Variants in SGCZ observed in about 807,000 individuals in gnomAD.
SGCZ encodes sarcoglycan zeta.
Under a neutral mutation model 41.3 loss-of-function variants are expected in SGCZ, and 40 were observed. That is an observed-to-expected ratio of 0.97 (90% CI 0.75 to 1.26). The LOEUF (loss-of-function observed/expected upper bound fraction) is 1.26, where lower values mean the gene tolerates loss of function less well. Ranked by LOEUF, SGCZ falls within the 50% of genes most tolerant of loss-of-function variation. SGCZ has a pLI of 0.00. For missense variants in SGCZ, 552 were observed against 369.8 expected, an observed-to-expected ratio of 1.49 and a Z score of -4.04; for synonymous variants, 206 against 137.5, an observed-to-expected ratio of 1.50 and a Z score of -3.49.
chr8:15,146,357 G>A (rs1180922132), intron 1 of SGCZ, among the ~76,000 whole-genome samples: 1 of 152,100 alleles, frequency 6.6e-6, no homozygotes, highest in East Asian at 1.9e-4. Context: ...ATTTGAGGAA[G>A]CCAATTTTTA....
intron 7 of SGCZ, among the ~76,000 whole-genome samples, chr8:14,097,235 G>T (rs1734482292): frequency 6.6e-6 from 1 of 152,164 alleles, no homozygotes; most frequent in Non-Finnish European, 1.5e-5. Flanking sequence ...GGCATTTAGT[G>T]CTATAAATTT....
At chr8:14,540,313 T>TTTCATATGACTCATGA (rs1803425428) in intron 2 of SGCZ, among the ~76,000 whole-genome samples, 1 of 150,808 alleles carries the variant, frequency 6.6e-6, no homozygotes. Context: ...TGTTGACCTT[T>TTTCATATGACTCATGA]TTTTCATTAG....
intron 2 of SGCZ, among the ~76,000 whole-genome samples, chr8:14,472,256 A>C (rs1801233251): frequency 6.6e-6 from 1 of 152,094 alleles, no homozygotes; most frequent in South Asian, 2.1e-4. Flanking sequence ...CTTGTTTAAT[A>C]TCTTTATTTA....
At chr8:14,436,840 A>G (rs1217286659) in intron 2 of SGCZ, among the ~76,000 whole-genome samples, 3 of 152,162 alleles carry the variant, frequency 2.0e-5, no homozygotes, top group African/African-American at 7.2e-5. Context: ...TGAACTCACC[A>G]CTTCTTTGTT....
intron 1 of SGCZ, among the ~76,000 whole-genome samples, chr8:14,733,607 G>C (rs1798937718): frequency 1.3e-5 from 2 of 152,098 alleles, no homozygotes; most frequent in South Asian, 4.2e-4. Flanking sequence ...CTTGTTTTGT[G>C]AGATTTTATA....
At chr8:14,776,860 A>G (rs1205698911) in intron 1 of SGCZ, among the ~76,000 whole-genome samples, 2 of 152,216 alleles carry the variant, frequency 1.3e-5, no homozygotes, top group African/African-American at 4.8e-5. Flanking sequence ...TTGTGTTAAA[A>G]TACTGAAATA....
chr8:14,778,211 C>G (rs552778050), intron 1 of SGCZ, among the ~76,000 whole-genome samples: 1 of 152,240 alleles, frequency 6.6e-6, no homozygotes, highest in African/African-American at 2.4e-5. Flanking sequence ...AGGCATGAGC[C>G]AGCTAAAAAT....
At chr8:14,423,414 A>G (rs1350661893) in intron 2 of SGCZ, among the ~76,000 whole-genome samples, 1 of 152,188 alleles carries the variant, frequency 6.6e-6, no homozygotes, top group East Asian at 1.9e-4. Flanking sequence ...AGCTATAATG[A>G]TAATAATTAT....
intron 1 of SGCZ, among the ~76,000 whole-genome samples, chr8:15,208,902 T>TAGAG (rs35949197): frequency 0.073 from 10,884 of 149,926 alleles, 418 homozygotes; most frequent in Non-Finnish European, 0.082. Context: ...TACATATATA[T>TAGAG]AGAGAGAGAG....
intron 6 of SGCZ, among the ~76,000 whole-genome samples, chr8:14,102,987 GCA>G (rs1254159287): frequency 6.6e-6 from 1 of 152,044 alleles, no homozygotes; most frequent in African/African-American, 2.4e-5. Flanking sequence ...TGTTAATATT[GCA>G]CACTTTCAGG....
At chr8:14,697,320 G>A (rs945818427) in intron 1 of SGCZ, among the ~76,000 whole-genome samples, 37 of 152,100 alleles carry the variant, frequency 2.4e-4, no homozygotes, top group South Asian at 2.1e-4. Context: ...TTGCACAAAT[G>A]TGAAACTAAT....
intron 2 of SGCZ, among the ~76,000 whole-genome samples, chr8:14,394,361 G>C (rs1250742694): frequency 6.6e-6 from 1 of 151,992 alleles, no homozygotes; most frequent in African/African-American, 2.4e-5. Context: ...ATGTTGGCCA[G>C]GATGGTCTCG....
chr8:14,293,758 A>G (rs2116951943), intron 3 of SGCZ, among the ~76,000 whole-genome samples: 1 of 152,054 alleles, frequency 6.6e-6, no homozygotes, highest in Non-Finnish European at 1.5e-5. Context: ...TAAGAGGACT[A>G]TAATTAAGCA....
At chr8:14,796,279 CT>C (rs1227723709) in intron 1 of SGCZ, among the ~76,000 whole-genome samples, 2 of 152,076 alleles carry the variant, frequency 1.3e-5, no homozygotes, top group African/African-American at 2.4e-5. Context: ...GAACTAATGC[CT>C]GCTGTTTTAC....
Position 14,715,469 on chromosome 8 carries a change from A to G in SGCZ, c.40-160543T>C, listed in dbSNP as rs554490879. 8.5e-5 allele frequency among the ~76,000 whole-genome samples: 13 copies of G among 152,222 alleles called. No homozygotes were observed. The South Asian group carries it at 2.7e-3, about 32-fold the overall frequency. ...CTATGGCATAAAGGTTGCATGTACCATAACTTCAACCTGTAACAAAAAACT... is the reference window on the plus strand; with the variant it reads ...CTATGGCATAAAGGTTGCATGTACCGTAACTTCAACCTGTAACAAAAAACT... On this transcript the variant is annotated intron_variant, in intron 1 of 7. Transcript: ENST00000382080.
intron 2 of SGCZ, among the ~76,000 whole-genome samples, chr8:14,355,769 T>C (rs1803271729): frequency 6.6e-6 from 1 of 151,982 alleles, no homozygotes; most frequent in South Asian, 2.1e-4. Flanking sequence ...GTGTACCCAG[T>C]TGTGGGATTA....
At chr8:14,595,385 T>A (rs1260378238) in intron 1 of SGCZ, among the ~76,000 whole-genome samples, 2 of 142,874 alleles carry the variant, frequency 1.4e-5, no homozygotes, top group African/African-American at 5.2e-5. Flanking sequence ...TATATATAAA[T>A]GCCTAACATG....
intron 1 of SGCZ, among the ~76,000 whole-genome samples, chr8:15,007,083 G>A (rs894025093): frequency 2.0e-5 from 3 of 152,134 alleles, no homozygotes; most frequent in Admixed American, 2.0e-4. Context: ...AAAAATTGAA[G>A]GACTGAGTGA....
chr8:14,899,096 G>A (rs1313333329), intron 1 of SGCZ, among the ~76,000 whole-genome samples: 1 of 151,356 alleles, frequency 6.6e-6, no homozygotes, highest in Non-Finnish European at 1.5e-5. Context: ...TTTTTTTCCT[G>A]GAATTGAGGA....
Sources: allele counts gnomAD v4.1 joint callset (sites outside exome capture counted in the v4.1 genomes callset), GRCh38; gene constraint gnomAD v4.1.1; transcripts MANE v1.5; gene names NCBI Gene and HGNC (gene_info 2026-07-23, HGNC 2026-07-21).